AVEN: variants seen among roughly 807,000 people sequenced by gnomAD.
AVEN encodes the protein cell death regulator Aven.
A neutral mutation model predicts 38.1 loss-of-function variants in AVEN; 41 were observed. The ratio of observed to expected loss-of-function variants is 1.08; its 90% CI spans 0.84 to 1.40. AVEN has a LOEUF of 1.40. Among genes scored for constraint, AVEN ranks in the 40% most tolerant of loss-of-function variants. The pLI is 0.00. For synonymous variants in AVEN, 206 were observed against 171.8 expected (o/e 1.20, Z -1.56); for missense variants, 605 against 438.8 (o/e 1.38, Z -3.38).
chr15:33,933,180 C>T (rs1446586028), intron 2 of AVEN, among the ~76,000 whole-genome samples: 1 of 152,094 alleles, frequency 6.6e-6, no homozygotes, highest in Non-Finnish European at 1.5e-5. Context: ...TCCAGTATCA[C>T]AAAGGTTATT....
chr15:33,941,524 G>GTTAT (rs1311599756), intron 2 of AVEN, among the ~76,000 whole-genome samples: 8 of 152,168 alleles, frequency 5.3e-5, no homozygotes, highest in Non-Finnish European at 1.2e-4. Context: ...TCCTGTCACA[G>GTTAT]TATAACTTAT....
At chr15:33,895,756 C>A (rs991869308) in intron 2 of AVEN, among the ~76,000 whole-genome samples, 3 of 152,152 alleles carry the variant, frequency 2.0e-5, no homozygotes, top group Non-Finnish European at 4.4e-5. Context: ...GTATTATATT[C>A]AAAATGATCT....
At chr15:33,932,838 C>CAAAT (rs542804184) in intron 2 of AVEN, among the ~76,000 whole-genome samples, 33,794 of 146,984 alleles carry the variant, frequency 0.23, 4,067 homozygotes, top group Middle Eastern at 0.37. Flanking sequence ...AATAAACAAA[C>CAAAT]AAATAAATAA....
chr15:33,953,480 C>T (rs545669752), intron 2 of AVEN, among the ~76,000 whole-genome samples: 4 of 152,126 alleles, frequency 2.6e-5, no homozygotes, highest in Non-Finnish European at 5.9e-5. Context: ...TCAGAAATAA[C>T]ACCACACATC....
At chr15:34,007,014 T>A in intron 1 of AVEN, 1 of 959,016 alleles carries the variant, frequency 1.0e-6, no homozygotes, top group Non-Finnish European at 1.2e-6. Flanking sequence ...GTTACAAAAT[T>A]AGTCTGGTGG....
At chr15:33,891,044 G>C (rs957410225) in intron 2 of AVEN, among the ~76,000 whole-genome samples, 3 of 150,900 alleles carry the variant, frequency 2.0e-5, no homozygotes, top group Non-Finnish European at 4.4e-5. Flanking sequence ...AGGGGGCGAA[G>C]GTTGCAGTGA....
chr15:33,853,915 T>C (rs1410615199), downstream of AVEN, among the ~76,000 whole-genome samples: 1 of 152,070 alleles, frequency 6.6e-6, no homozygotes. Context: ...CAGGTTGGGC[T>C]GGGCGCAGTG....
chr15:33,878,739 G>C (rs117618422), intron 2 of AVEN, among the ~76,000 whole-genome samples: 4,948 of 152,124 alleles, frequency 0.033, 162 homozygotes, highest in Non-Finnish European at 0.039. Flanking sequence ...TTGTGTATTA[G>C]ATACAAAGAA....
chr15:33,937,954 A>G (rs1441627027), intron 2 of AVEN, among the ~76,000 whole-genome samples: 1 of 149,734 alleles, frequency 6.7e-6, no homozygotes, highest in East Asian at 1.9e-4. Flanking sequence ...AAAAAAAAAA[A>G]AAAAGAAAGA....
intron 2 of AVEN, among the ~76,000 whole-genome samples, chr15:33,943,762 T>C (rs775575575): frequency 2.1e-5 from 3 of 145,622 alleles, no homozygotes; most frequent in African/African-American, 5.1e-5. Flanking sequence ...GAGGCAGAGA[T>C]TGCTGTGACT....
chr15:33,961,651 A>C (rs1314906083), intron 2 of AVEN, among the ~76,000 whole-genome samples: 2 of 151,444 alleles, frequency 1.3e-5, no homozygotes, highest in Non-Finnish European at 2.9e-5. Flanking sequence ...GTCTCTACTA[A>C]AAACACAAAA....
upstream of AVEN, among the ~76,000 whole-genome samples, chr15:34,042,403 T>G (rs34474029): frequency 0.15 from 21,698 of 148,724 alleles, 1,954 homozygotes; most frequent in Middle Eastern, 0.27. Context: ...TAAGTTTTTT[T>G]TTTTTTTTTT....
chr15:33,869,449 G>T (rs2153034142), intron 4 of AVEN, among the ~76,000 whole-genome samples: 1 of 152,120 alleles, frequency 6.6e-6, no homozygotes, highest in Middle Eastern at 3.4e-3. Context: ...GCATTTCCCT[G>T]GTGAGTTCTG....
At chr15:33,981,842 T>G (rs1896161118) in intron 2 of AVEN, among the ~76,000 whole-genome samples, 1 of 152,140 alleles carries the variant, frequency 6.6e-6, no homozygotes, top group Admixed American at 6.5e-5. Context: ...AAGTTTTGTT[T>G]TTTTGTTTTT....
chr15:33,869,174 TAG>T (rs911409416), intron 4 of AVEN, among the ~76,000 whole-genome samples: 2 of 152,206 alleles, frequency 1.3e-5, no homozygotes, highest in Admixed American at 1.3e-4. Context: ...ATTCTAATCT[TAG>T]AGTCATTTAA....
At chr15:33,876,045 T>C in intron 2 of AVEN, 50 bp from the exon 3 acceptor site, 1 of 1,539,720 alleles carries the variant, frequency 6.5e-7, no homozygotes, top group African/African-American at 1.4e-5. Context: ...ACGGAAACTC[T>C]CAGTTCTCTA....
chr15:33,858,331 A>C, downstream of AVEN: 1 of 174,972 alleles, frequency 5.7e-6, no homozygotes. Context: ...CAGCCTCCCT[A>C]GTAGCTGGGA....
intron 2 of AVEN, among the ~76,000 whole-genome samples, chr15:33,962,531 C>G (rs1053768422): frequency 6.6e-5 from 10 of 152,296 alleles, no homozygotes; most frequent in Admixed American, 2.0e-4. Context: ...TTCTTTCCAT[C>G]TATTATTACC....
At chr15:33,898,972 TTA>T (rs1430015376) in intron 2 of AVEN, among the ~76,000 whole-genome samples, 1 of 152,032 alleles carries the variant, frequency 6.6e-6, no homozygotes, top group Non-Finnish European at 1.5e-5. Context: ...GGGGGAAATA[TTA>T]TAGTGTTGTA....
Sources: gnomAD v4.1 joint callset for allele counts (sites outside exome capture counted in the v4.1 genomes callset) on GRCh38, gnomAD v4.1.1 for gene constraint, MANE v1.5 for transcripts, NCBI Gene and HGNC (gene_info 2026-07-23, HGNC 2026-07-21) for gene names.